The following MPZL3 variants were observed in gnomAD, a reference collection of about 807,000 sequenced individuals.
MPZL3 encodes the protein myelin protein zero-like protein 3.
Under a neutral mutation model 24.8 loss-of-function variants are expected in MPZL3, and 23 were observed. The observed-to-expected ratio is 0.93, with a 90% confidence interval of 0.67 to 1.31. MPZL3 has a LOEUF of 1.31. MPZL3 is among the 40% of genes most tolerant of loss of function. The probability of loss-of-function intolerance (pLI) is 0.00; values close to 1 mark genes in which losing one functional copy is unlikely to be tolerated. For synonymous variants in MPZL3, 99 were observed against 106.5 expected (o/e 0.93, Z 0.44); for missense variants, 277 against 294.9 (o/e 0.94, Z 0.44).
rs761849850 is a variant in MPZL3, at chr11:118,252,344, C to G, written c.-50G>C. 2 of 1,580,740 alleles carry G rather than the reference C, an allele frequency of 1.3e-6. No individual in the cohort carries two copies. Among genetic ancestry groups the G allele is most frequent in the African/African-American group, 2.7e-5 (2 of 74,408 alleles). On this transcript the variant is annotated 5_prime_UTR_variant, in exon 1 of 6. Transcript: ENST00000278949. ...ACACCTTGTTTACAGCTCCCGGTAA[C>G]GACACAGGTAACACCGGAAGTGACG...
intron 2 of MPZL3, among the ~76,000 whole-genome samples, chr11:118,239,489 A>G (rs1440249342): frequency 6.6e-6 from 1 of 152,240 alleles, no homozygotes; most frequent in African/African-American, 2.4e-5. Flanking sequence ...CTTGAATAAC[A>G]TCTATCCTGA....
chr11:118,249,632 A>G (rs1949597185), intron 1 of MPZL3, among the ~76,000 whole-genome samples: 1 of 152,138 alleles, frequency 6.6e-6, no homozygotes, highest in Non-Finnish European at 1.5e-5. Context: ...ATGTGTCAAT[A>G]AAGCCCCCAA....
At chr11:118,230,486 A>G (rs1391072994) in intron 5 of MPZL3, among the ~76,000 whole-genome samples, 1 of 152,174 alleles carries the variant, frequency 6.6e-6, no homozygotes, top group East Asian at 1.9e-4. Flanking sequence ...GCACTTCATA[A>G]GCACTCATTC....
chr11:118,252,164 C>A, intron 1 of MPZL3, 58 bp downstream of exon 1: 1 of 1,581,136 alleles, frequency 6.3e-7, no homozygotes, highest in Non-Finnish European at 8.7e-7. Context: ...ACCGGAAAAG[C>A]GACCATCTTC....
At chr11:118,248,824 A>G (rs1325177186) in intron 1 of MPZL3, among the ~76,000 whole-genome samples, 1 of 152,208 alleles carries the variant, frequency 6.6e-6, no homozygotes, top group Admixed American at 6.5e-5. Context: ...AAACTACTTT[A>G]AATGGAATAA....
At chr11:118,247,223 A>T (rs7117544) in intron 1 of MPZL3, among the ~76,000 whole-genome samples, 1 of 152,078 alleles carries the variant, frequency 6.6e-6, no homozygotes, top group Non-Finnish European at 1.5e-5. Context: ...TCCAAAGAGT[A>T]GAGTAGAGAA....
chr11:118,252,330 A>G lies in MPZL3; in HGVS notation c.-36T>C. On this transcript the variant is annotated 5_prime_UTR_variant, in exon 1 of 6. Coordinates refer to ENST00000278949, the MANE Select transcript of MPZL3 (RefSeq NM_198275.3). ...CTTCAGATGCTTGCACACCTTGTTT[A>G]CAGCTCCCGGTAACGACACAGGTAA... 1 of 1,605,214 alleles carries G rather than the reference A, an allele frequency of 6.2e-7. No individual in the cohort carries two copies. The highest frequency in any genetic ancestry group is 2.2e-5 in the East Asian group (1 of 44,666).
chr11:118,244,814 C>T lies in MPZL3; in HGVS notation c.74-4437G>A, dbSNP rs1949539014. Reference sequence around the variant, plus strand: ...ACTTTAGGCTGGGCGCGGTGGCTCACGCCTGTAATCCCAGCACTTTGGGAG... The same window carrying T: ...ACTTTAGGCTGGGCGCGGTGGCTCATGCCTGTAATCCCAGCACTTTGGGAG... On this transcript the variant is annotated intron_variant, in intron 1 of 5. Coordinates refer to ENST00000278949, the MANE Select transcript of MPZL3 (RefSeq NM_198275.3). Among the ~76,000 whole-genome samples the T allele has an allele frequency of 2.6e-5, 4 of 152,292 alleles. No homozygotes were observed. In the South Asian group the frequency reaches 6.2e-4, roughly 24 times the overall value.
At chr11:118,251,873 T>C (rs1591501528) in intron 1 of MPZL3, among the ~76,000 whole-genome samples, 2 of 152,212 alleles carry the variant, frequency 1.3e-5, no homozygotes, top group African/African-American at 4.8e-5. Flanking sequence ...AATCAGGGTA[T>C]ACAGCGCCCA....
rs1012053209 is a variant in MPZL3 at position 118,227,285 on chromosome 11, C to G, written c.*2609G>C. 3.9e-5 allele frequency: 6 copies of G among 152,340 alleles called. No homozygotes were observed. The highest frequency in any genetic ancestry group is 1.4e-4 in the African/African-American group (6 of 41,578). 9.4% of individuals were successfully genotyped at this position (152,340 alleles called of 1,614,324 possible). On this transcript the variant is annotated 3_prime_UTR_variant, in exon 6 of 6. Transcript: ENST00000278949. Reference sequence around the variant, plus strand: ...ACCCCTTCTGAACTAAGTTCCCTTTCTAAACGAGGCTGGTTTCCATGGCTG... The same window carrying G: ...ACCCCTTCTGAACTAAGTTCCCTTTGTAAACGAGGCTGGTTTCCATGGCTG...
In MPZL3 at chr11:118,226,928, G is replaced by A. The variant is rs1949278665; in HGVS notation, c.*2966C>T. 1.3e-5 allele frequency: 2 copies of A among 152,248 alleles called. No individual in the cohort carries two copies. The highest frequency in any genetic ancestry group is 4.8e-5 in the African/African-American group (2 of 41,464). 9.4% of individuals were successfully genotyped at this position (152,248 alleles called of 1,614,324 possible). ...AAATAATAGTCTTGGTCCACTCCTT[G>A]TGGGTCTTCTTACAGTTTCCCTTTA... On this transcript the variant is annotated 3_prime_UTR_variant, in exon 6 of 6. Coordinates refer to ENST00000278949, the MANE Select transcript of MPZL3 (RefSeq NM_198275.3).
rs1299141665 is a variant in MPZL3 at position 118,252,222 on chromosome 11, C to T, written c.73G>A (p.Gly25Ser). Residue 25 changes from glycine (G) to serine (S), a missense_variant and splice_region_variant, in exon 1 of 6, where the codon GGT becomes AGT. By Grantham distance (56) the Gly-to-Ser change is moderately conservative. Transcript: ENST00000278949. ...FPLLGVLFFQGVYIVFSLEIR... is the reference protein window; with the variant it reads ...FPLLGVLFFQSVYIVFSLEIR... ...GAGCGTAGCCAGCCGGAGCACTCAC[C>T]CTGGAAGAACAGGACGCCCAGCAGA... 14 of 1,613,604 alleles carry T rather than the reference C, an allele frequency of 8.7e-6. No individual in the cohort carries two copies. The highest frequency in any genetic ancestry group is 1.1e-5 in the Non-Finnish European group (13 of 1,179,938).
chr11:118,246,787 T>C (rs1591498502), intron 1 of MPZL3, among the ~76,000 whole-genome samples: 2 of 152,088 alleles, frequency 1.3e-5, no homozygotes, highest in African/African-American at 2.4e-5. Flanking sequence ...GGTTTCCCTA[T>C]GTTGCCTAGT....
At chr11:118,243,035 C>T (rs1949515762) in intron 1 of MPZL3, among the ~76,000 whole-genome samples, 1 of 152,176 alleles carries the variant, frequency 6.6e-6, no homozygotes, top group Non-Finnish European at 1.5e-5. Context: ...AACTCCCCTA[C>T]ACTCCTATCT....
intron 3 of MPZL3, 113 bp downstream of exon 3, chr11:118,236,937 A>T: frequency 1.2e-6 from 1 of 851,412 alleles, no homozygotes; most frequent in Non-Finnish European, 1.8e-6. Flanking sequence ...TCAATGATTT[A>T]ATGACCCAAC....
rs986419565 is a variant in MPZL3 at position 118,240,435 on chromosome 11, G to A, written c.74-58C>T. ...ATTCATGTGGGTGGAATATACAGAT[G>A]TGAGTGAACAATTATTTTTAGAGCC... On this transcript the variant is annotated intron_variant, in intron 1 of 5. Transcript: ENST00000278949. 27 of 1,500,926 alleles carry A rather than the reference G, an allele frequency of 1.8e-5. No homozygotes were observed. The African/African-American group carries it at 3.2e-4, about 18-fold the overall frequency. 93.0% of individuals were successfully genotyped at this position (1,500,926 alleles called of 1,614,324 possible). A position where few individuals can be genotyped will look rare whatever the true frequency, so the allele number is the denominator to read the frequency against.
chr11:118,237,279 G>A lies in MPZL3; in HGVS notation c.241-19C>T, dbSNP rs758088218. The A allele has an allele frequency of 1.2e-6, 2 of 1,604,018 alleles. No homozygotes were observed. The highest frequency in any genetic ancestry group is 1.7e-6 in the Non-Finnish European group (2 of 1,171,330). On this transcript the variant is annotated intron_variant, in intron 2 of 5. Coordinates refer to ENST00000278949, the MANE Select transcript of MPZL3 (RefSeq NM_198275.3). ...GAAATATCTAAGAAAGCAACACCAT[G>A]AGAGAAAAGGTTAACTTGGAAAATG...
intron 4 of MPZL3, among the ~76,000 whole-genome samples, chr11:118,234,432 G>A (rs1408289499): frequency 6.6e-6 from 1 of 152,150 alleles, no homozygotes; most frequent in African/African-American, 2.4e-5. Context: ...AGGCAAACAA[G>A]AGAAGGAAAG....
At position 118,229,107 on chromosome 11, in the gene MPZL3, C is replaced by A. The variant is rs1949313201; in HGVS notation, c.*787G>T. On this transcript the variant is annotated 3_prime_UTR_variant, in exon 6 of 6. Coordinates refer to ENST00000278949, the MANE Select transcript of MPZL3 (RefSeq NM_198275.3). The stretch of plus-strand genomic sequence containing the variant: ...ACACCACTGCACTCCAGCCTGGCGA[C>A]AGAGTGAGACTCTGCCTCAAAAAAA... 1 of 121,218 alleles carries A rather than the reference C, an allele frequency of 8.2e-6. No individual in the cohort carries two copies. The highest frequency in any genetic ancestry group is 3.6e-5 in the African/African-American group (1 of 28,148). The allele number at this position is 121,218 out of a possible 1,614,324, so 7.5% of individuals were successfully genotyped here. A position where few individuals can be genotyped will look rare whatever the true frequency, so the allele number is the denominator to read the frequency against.
Sources: allele counts gnomAD v4.1 joint callset (sites outside exome capture counted in the v4.1 genomes callset), GRCh38; gene constraint gnomAD v4.1.1; transcripts MANE v1.5; gene names NCBI Gene and HGNC (gene_info 2026-07-23, HGNC 2026-07-21).